The following ELFN1 variants were observed in gnomAD, a reference collection of about 807,000 sequenced individuals.
ELFN1 encodes extracellular leucine rich repeat and fibronectin type III domain containing 1.
In ELFN1, 6 loss-of-function variants were observed where a neutral mutation model predicts 7.6. The ratio of observed to expected loss-of-function variants is 0.79; its 90% CI spans 0.43 to 1.56. ELFN1 has a LOEUF of 1.56. Ranked by LOEUF, ELFN1 falls within the 40% of genes most tolerant of loss-of-function variation. The probability of loss-of-function intolerance (pLI) is 0.01; values close to 1 mark genes in which losing one functional copy is unlikely to be tolerated. For missense variants in ELFN1, 1,169 were observed against 1,232.2 expected (o/e 0.95, Z 0.77); for synonymous variants, 657 against 588.1 (o/e 1.12, Z -1.70).
chr7:1,746,751 C>G lies in ELFN1; in HGVS notation c.2155C>G (p.Pro719Ala). The G allele has an allele frequency of 1.3e-6, 2 of 1,499,694 alleles. No individual in the cohort carries two copies. The highest frequency in any genetic ancestry group is 1.8e-6 in the Non-Finnish European group (2 of 1,131,034). The allele number at this position is 1,499,694 out of a possible 1,614,324, so 92.9% of individuals were successfully genotyped here. A position where few individuals can be genotyped will look rare whatever the true frequency, so the allele number is the denominator to read the frequency against. Residue 719 changes from proline to alanine, a missense_variant, in exon 4 of 4, where the codon CCC (proline) becomes GCC (alanine). Pro to Ala is a conservative substitution (Grantham distance 27). Transcript: ENST00000424383. ...GSHPAEPPAP[P>A]GPPPPPPHEG... ...CCACCCGGCCGAGCCACCTGCGCCC[C>G]CCGGGCCACCGCCGCCGCCTCCGCA...
intron 2 of ELFN1, chr7:1,693,835 A>T (rs1180767562): frequency 2.2e-6 from 1 of 463,746 alleles, no homozygotes; most frequent in South Asian, 1.6e-5. Context: ...GGCTGGGCCA[A>T]TCGGGGTTCC....
At chr7:1,707,990 T>C (rs1467182374) in intron 2 of ELFN1, among the ~76,000 whole-genome samples, 1 of 152,144 alleles carries the variant, frequency 6.6e-6, no homozygotes, top group African/African-American at 2.4e-5. Context: ...GGGGCGCGGA[T>C]GCGGCAGAGC....
intron 1 of ELFN1, among the ~76,000 whole-genome samples, chr7:1,678,387 T>C (rs1479989201): frequency 1.3e-5 from 2 of 152,148 alleles, no homozygotes; most frequent in Non-Finnish European, 2.9e-5. Flanking sequence ...CGGCCCTGCA[T>C]GTCAGTTGTG....
chr7:1,714,921 G>C (rs1382410630), intron 3 of ELFN1, among the ~76,000 whole-genome samples: 1 of 152,218 alleles, frequency 6.6e-6, no homozygotes, highest in Non-Finnish European at 1.5e-5. Flanking sequence ...CAATGGTCCA[G>C]GTTCCTTGTA....
chr7:1,737,499 G>A (rs576319569), intron 3 of ELFN1, among the ~76,000 whole-genome samples: 18 of 152,308 alleles, frequency 1.2e-4, no homozygotes, highest in African/African-American at 3.4e-4. Flanking sequence ...TCTCAGATGC[G>A]AAGCCACTCG....
intron 3 of ELFN1, among the ~76,000 whole-genome samples, chr7:1,716,348 C>T (rs960390694): frequency 2.6e-5 from 4 of 152,192 alleles, no homozygotes; most frequent in Admixed American, 6.5e-5. Flanking sequence ...GGTGAGGTGA[C>T]GGCCTGGGTA....
intron 2 of ELFN1, among the ~76,000 whole-genome samples, chr7:1,697,585 G>A (rs1463162364): frequency 6.6e-6 from 1 of 152,188 alleles, no homozygotes; most frequent in Non-Finnish European, 1.5e-5. Flanking sequence ...GCACCCAGGG[G>A]TACAATTGGG....
rs540704082 is a variant in ELFN1, at chr7:1,705,084, G to C, written c.-455-4007G>C. Among the ~76,000 whole-genome samples, 1 of 152,098 alleles carries C rather than the reference G, an allele frequency of 6.6e-6. No individual in the cohort carries two copies. Among genetic ancestry groups the C allele is most frequent in the Non-Finnish European group, 1.5e-5 (1 of 68,004 alleles). On this transcript the variant is annotated intron_variant, in intron 2 of 3. Transcript: ENST00000424383. The surrounding 1 kb of genome is among the most constrained non-coding windows in gnomAD (Gnocchi z 4.3). Reference sequence around the variant, plus strand: ...GCTGGGGTGGGGGGCGCGTACTGGAGAACAGAGGGACACCCAGTGGCCAAA... The same window carrying C: ...GCTGGGGTGGGGGGCGCGTACTGGACAACAGAGGGACACCCAGTGGCCAAA...
intron 2 of ELFN1, among the ~76,000 whole-genome samples, chr7:1,689,014 C>A (rs1211353307): frequency 6.6e-6 from 1 of 152,064 alleles, no homozygotes; most frequent in African/African-American, 2.4e-5. Context: ...CCCAATAAAC[C>A]CATTATAAAG....
chr7:1,723,296 G>A (rs1001205693), intron 3 of ELFN1, among the ~76,000 whole-genome samples: 4 of 152,206 alleles, frequency 2.6e-5, no homozygotes, highest in African/African-American at 9.7e-5. Flanking sequence ...GCGGTGTTGT[G>A]CGACAGACCT....
chr7:1,674,630 G>C (rs1166698676), intron 1 of ELFN1, among the ~76,000 whole-genome samples: 1 of 152,134 alleles, frequency 6.6e-6, no homozygotes, highest in African/African-American at 2.4e-5. Context: ...ACAGTGGACG[G>C]TGACCCCCCC....
At chr7:1,676,757 A>G (rs1481883051) in intron 1 of ELFN1, among the ~76,000 whole-genome samples, 4 of 152,216 alleles carry the variant, frequency 2.6e-5, no homozygotes, top group Non-Finnish European at 4.4e-5. Context: ...GGGCAAGGCC[A>G]GTGCAGCTGG....
chr7:1,691,335 C>T (rs1184424999), intron 2 of ELFN1, among the ~76,000 whole-genome samples: 2 of 152,200 alleles, frequency 1.3e-5, no homozygotes, highest in Non-Finnish European at 1.5e-5. Context: ...CTGCAGTCTC[C>T]ACCCAAGGCT....
At position 1,702,427 on chromosome 7, in the gene ELFN1, G is replaced by A. The variant is rs557551547; in HGVS notation, c.-455-6664G>A. Among the ~76,000 whole-genome samples the A allele has an allele frequency of 5.3e-3, 752 of 141,102 alleles. 34 individuals carry two copies. The highest frequency in any genetic ancestry group is 0.019 in the African/African-American group (706 of 36,980). 92.6% of individuals were successfully genotyped at this position (141,102 alleles called of 152,430 possible). ...GACAGAACGAGACTCCGTCGGGGGG[G>A]AAAAAAAAAAAGAAGAAGACCCTCC... On this transcript the variant is annotated intron_variant, in intron 2 of 3. Transcript: ENST00000424383.
rs1414608188 is a variant in ELFN1, at chr7:1,745,372, T to G, written c.776T>G (p.Val259Gly). 32 of 1,538,846 alleles carry G rather than the reference T, an allele frequency of 2.1e-5. No homozygotes were observed. Among genetic ancestry groups the G allele is most frequent in the Non-Finnish European group, 2.6e-6 (3 of 1,145,904 alleles). The change falls in exon 4 of 4, where the codon GTG becomes GGG. Residue 259 changes from valine (V) to glycine (G), a missense_variant. Val to Gly is a moderately radical substitution (Grantham distance 109). Transcript: ENST00000424383. ...VCTEDSYAAE[V>G]VGPPRPASGR... is the part of the protein sequence containing the mutation. ...ACCGAGGACTCGTACGCGGCTGAGG[T>G]GGTCGGGCCCCCACGTCCAGCATCC...
rs1226547694 is a variant in ELFN1, at chr7:1,735,559, G to A, written c.-293-8745G>A. On this transcript the variant is annotated intron_variant, in intron 3 of 3. Coordinates refer to ENST00000424383, the MANE Select transcript of ELFN1 (RefSeq NM_001128636.4). This position sits in a 1 kb window ranked among gnomAD's most constrained non-coding sequence, Gnocchi z 5.9. ...AGCCCTGGCCTTGCCTGCAACCCCC[G>A]CCAGCCTCCCCTGGACAATAGGATG... is the stretch of plus-strand genomic sequence containing the variant. 2.6e-5 allele frequency among the ~76,000 whole-genome samples: 4 copies of A among 151,872 alleles called. No individual in the cohort carries two copies. The highest frequency in any genetic ancestry group is 2.1e-4 in the South Asian group (1 of 4,800).
chr7:1,741,129 C>CA (rs34300810), intron 3 of ELFN1, among the ~76,000 whole-genome samples: 83,696 of 116,756 alleles, frequency 0.72, 30,521 homozygotes, highest in East Asian at 0.94. Flanking sequence ...GACTCTGTCT[C>CA]AAAAAAAAAA....
rs747209577 is a variant in ELFN1 at position 1,745,376 on chromosome 7, C to T, written c.780C>T (p.Val260=). ...AGGACTCGTACGCGGCTGAGGTGGT[C>T]GGGCCCCCACGTCCAGCATCCGGGC... is the stretch of plus-strand genomic sequence containing the variant. ...CTEDSYAAEV[V]GPPRPASGRS... is the part of the protein sequence containing the mutation. The change falls in exon 4 of 4, where the codon GTC becomes GTT. Residue 260 remains valine, a synonymous_variant. Coordinates refer to ENST00000424383, the MANE Select transcript of ELFN1 (RefSeq NM_001128636.4). The T allele has an allele frequency of 6.6e-5, 102 of 1,538,772 alleles. No individual in the cohort carries two copies. Among genetic ancestry groups the T allele is most frequent in the East Asian group, 9.8e-5 (4 of 40,858 alleles).
At chr7:1,679,880 T>C (rs777037608) in intron 1 of ELFN1, among the ~76,000 whole-genome samples, 7 of 152,240 alleles carry the variant, frequency 4.6e-5, no homozygotes, top group Non-Finnish European at 1.0e-4. Flanking sequence ...TGCCTTGTCC[T>C]GTCCACCACA....
Sources: allele counts gnomAD v4.1 joint callset (sites outside exome capture counted in the v4.1 genomes callset), GRCh38; gene constraint gnomAD v4.1.1; non-coding constraint Gnocchi (gnomAD v3.1); transcripts MANE v1.5; gene names NCBI Gene and HGNC (gene_info 2026-07-23, HGNC 2026-07-21).